CATSPERE: variants seen among roughly 807,000 people sequenced by gnomAD.
CATSPERE encodes cation channel sperm-associated auxiliary subunit epsilon.
A neutral mutation model predicts 114.1 loss-of-function variants in CATSPERE; 93 were observed. The observed-to-expected ratio is 0.81, with a 90% CI of 0.69 to 0.97. The LOEUF (loss-of-function observed/expected upper bound fraction) is 0.97. Ranked by LOEUF, CATSPERE falls within the 50% of genes least tolerant of loss-of-function variation. CATSPERE has a pLI of 0.00. For missense variants in CATSPERE, 1,058 were observed against 1,131.6 expected (o/e 0.93, Z 0.93); for synonymous variants, 341 against 384.1 (o/e 0.89, Z 1.31).
At chr1:244,596,454 T>C (rs1285455799) in intron 17 of CATSPERE, among the ~76,000 whole-genome samples, 1 of 152,168 alleles carries the variant, frequency 6.6e-6, no homozygotes, top group Non-Finnish European at 1.5e-5. Flanking sequence ...AATTCTTTCC[T>C]GAGTGAAGCC....
intron 7 of CATSPERE, among the ~76,000 whole-genome samples, chr1:244,515,712 A>C (rs886585859): frequency 3.3e-5 from 5 of 152,228 alleles, no homozygotes; most frequent in African/African-American, 9.6e-5. Flanking sequence ...CAATGTATCA[A>C]ATGCTGCTAA....
chr1:244,488,512 C>A (rs1671434745), intron 5 of CATSPERE, among the ~76,000 whole-genome samples: 1 of 152,188 alleles, frequency 6.6e-6, no homozygotes, highest in Non-Finnish European at 1.5e-5. Context: ...CTGATAAAGA[C>A]CCAGAAGAAT....
chr1:244,541,161 G>C (rs1161518343), intron 8 of CATSPERE, among the ~76,000 whole-genome samples: 8 of 148,704 alleles, frequency 5.4e-5, no homozygotes, highest in Admixed American at 2.0e-4. Context: ...CAAATGGGAT[G>C]TAATTAAACT....
rs896910384 is a variant in CATSPERE at position 244,518,714 on chromosome 1, T to A, written c.536+16T>A. 4.8e-6 allele frequency: 6 copies of A among 1,261,786 alleles called. No individual in the cohort carries two copies. Among genetic ancestry groups the A allele is most frequent in the African/African-American group, 4.6e-5 (3 of 64,766 alleles). 78.2% of individuals were successfully genotyped at this position (1,261,786 alleles called of 1,614,324 possible). ...TGAGAAGGGGGTATTTAATTTTTTT[T>A]AATTTTAAATATAGAAATATGAAAA... On this transcript the variant is annotated intron_variant, in intron 8 of 21. Transcript: ENST00000366534.
At chr1:244,475,537 A>AT (rs35023936) in intron 2 of CATSPERE, among the ~76,000 whole-genome samples, 44,990 of 117,096 alleles carry the variant, frequency 0.38, 8,816 homozygotes, top group East Asian at 0.72. Context: ...CCTGGCCACA[A>AT]TTTTTTTTTT....
At chr1:244,580,639 G>A (rs1258843390) in intron 11 of CATSPERE, among the ~76,000 whole-genome samples, 1 of 152,126 alleles carries the variant, frequency 6.6e-6, no homozygotes, top group Non-Finnish European at 1.5e-5. Flanking sequence ...AAGCCCTCCT[G>A]TGTTTTCCCT....
intron 20 of CATSPERE, among the ~76,000 whole-genome samples, chr1:244,627,410 C>G (rs1337976931): frequency 5.3e-5 from 8 of 151,994 alleles, no homozygotes; most frequent in Non-Finnish European, 1.0e-4. Context: ...ATCACTACAA[C>G]AATTTTTTAA....
Position 244,573,952 on chromosome 1 carries a change from G to A in CATSPERE, c.1950+1180G>A, listed in dbSNP as rs1247008371. Among the ~76,000 whole-genome samples the A allele has an allele frequency of 2.6e-5, 4 of 152,116 alleles. No homozygotes were observed. In the South Asian group the frequency reaches 8.3e-4, roughly 32 times the overall value. On this transcript the variant is annotated intron_variant, in intron 11 of 21. Coordinates refer to ENST00000366534, the MANE Select transcript of CATSPERE (RefSeq NM_001130957.2). The surrounding 1 kb of genome is among the most constrained non-coding windows in gnomAD (Gnocchi z 4.0). ...TTAGACAAAAAATTTTCTTAGCAAGGCAGTTTTAGTTTCTGCAGAAAGGGT... is the reference window on the plus strand; with the variant it reads ...TTAGACAAAAAATTTTCTTAGCAAGACAGTTTTAGTTTCTGCAGAAAGGGT...
At chr1:244,494,100 G>C (rs61844029) in intron 6 of CATSPERE, among the ~76,000 whole-genome samples, 22,533 of 151,920 alleles carry the variant, frequency 0.15, 1,772 homozygotes, top group South Asian at 0.19. Flanking sequence ...TCCCATTACT[G>C]GGTATATACC....
Position 244,621,138 on chromosome 1 carries a change from A to T in CATSPERE, c.2648+3452A>T, listed in dbSNP as rs1248196886. Among the ~76,000 whole-genome samples the T allele has an allele frequency of 3.8e-4, 40 of 103,910 alleles. 3 individuals carry two copies. Among genetic ancestry groups the T allele is most frequent in the African/African-American group, 7.5e-4 (19 of 25,328 alleles). 68.2% of individuals were successfully genotyped at this position (103,910 alleles called of 152,430 possible). A position where few individuals can be genotyped will look rare whatever the true frequency, so the allele number is the denominator to read the frequency against. ...TATAATATATATATAAATATATATA[A>T]AATATATATATTATAAAATATATAT... On this transcript the variant is annotated intron_variant, in intron 20 of 21. Transcript: ENST00000366534.
chr1:244,472,559 GC>G (rs1277277182), intron 2 of CATSPERE, among the ~76,000 whole-genome samples: 1 of 152,084 alleles, frequency 6.6e-6, no homozygotes, highest in African/African-American at 2.4e-5. Flanking sequence ...TCCCCAGTTT[GC>G]CCTATTACTG....
Position 244,605,703 on chromosome 1 carries a change from A to G in CATSPERE, c.2312A>G (p.Asp771Gly), listed in dbSNP as rs1246044390. 6.2e-7 allele frequency: 1 copy of G among 1,606,092 alleles called. No homozygotes were observed. Among genetic ancestry groups the G allele is most frequent in the African/African-American group, 1.3e-5 (1 of 74,898 alleles). The stretch of plus-strand genomic sequence containing the variant: ...TTTGTTGTTTCTTTCAGATTTGATG[A>G]TAATGGCTATGTTAAAGACGTTGAA... Reference protein sequence around the residue: ...KFQPVVQLFDDNGYVKDVEAN... With the variant: ...KFQPVVQLFDGNGYVKDVEAN... The change falls in exon 18 of 22, where the codon GAT becomes GGT. Residue 771 changes from aspartate (D) to glycine (G), a missense_variant. Around this residue, in one of 2 missense-constraint regions of CATSPERE, gnomAD observed 787 missense variants for 905.6 expected, o/e 0.87. Coordinates refer to ENST00000366534, the MANE Select transcript of CATSPERE (RefSeq NM_001130957.2).
rs1288343443 is a variant in CATSPERE at position 244,593,479 on chromosome 1, A to G, written c.2224-20A>G. ...ATGGACCAAATATATAAAATCACTA[A>G]AGTAGTTTTCCTTTTCTAGAGAGTA... is the stretch of plus-strand genomic sequence containing the variant. On this transcript the variant is annotated intron_variant, in intron 16 of 21. Transcript: ENST00000366534. 6.2e-7 allele frequency: 1 copy of G among 1,613,264 alleles called. No homozygotes were observed. The highest frequency in any genetic ancestry group is 1.1e-5 in the South Asian group (1 of 90,968).
At chr1:244,565,868 C>T (rs1663386721) in intron 10 of CATSPERE, among the ~76,000 whole-genome samples, 1 of 151,152 alleles carries the variant, frequency 6.6e-6, no homozygotes, top group Non-Finnish European at 1.5e-5. Flanking sequence ...TATTTCTTGT[C>T]TTCTGCTAGC....
At chr1:244,598,579 A>G in intron 17 of CATSPERE, 1 of 340,802 alleles carries the variant, frequency 2.9e-6, no homozygotes, top group South Asian at 2.5e-5. Context: ...TTGCACCCAC[A>G]GAGACCATGG....
Position 244,572,312 on chromosome 1 carries a change from CTT to C in CATSPERE, c.1508-15_1508-14del, listed in dbSNP as rs564959009. On this transcript the variant is annotated splice_polypyrimidine_tract_variant and intron_variant, in intron 10 of 21. Transcript: ENST00000366534. The stretch of plus-strand genomic sequence containing the variant: ...TTATGGTTACTTAGACTAACACAAA[CTT>C]TTCTCTTTTTTCCAGATTATTATGG... 1.7e-3 allele frequency: 2,179 copies of C among 1,256,868 alleles called. 6 individuals are homozygous for C. Among genetic ancestry groups the C allele is most frequent in the Non-Finnish European group, 2.1e-3 (1,935 of 903,168 alleles). The allele number at this position is 1,256,868 out of a possible 1,614,324, so 77.9% of individuals were successfully genotyped here. A position where few individuals can be genotyped will look rare whatever the true frequency, so the allele number is the denominator to read the frequency against.
At chr1:244,579,561 C>A (rs1665858804) in intron 11 of CATSPERE, among the ~76,000 whole-genome samples, 1 of 151,928 alleles carries the variant, frequency 6.6e-6, no homozygotes, top group African/African-American at 2.4e-5. Flanking sequence ...AAAAAAAATC[C>A]CATATATAAG....
intron 5 of CATSPERE, among the ~76,000 whole-genome samples, chr1:244,489,061 A>C (rs1350495638): frequency 6.6e-6 from 1 of 152,224 alleles, no homozygotes; most frequent in South Asian, 2.1e-4. Flanking sequence ...TATGCAGGTA[A>C]CTTTACAGTG....
At chr1:244,463,492 A>G (rs912701822) in intron 1 of CATSPERE, among the ~76,000 whole-genome samples, 1 of 152,104 alleles carries the variant, frequency 6.6e-6, no homozygotes, top group Non-Finnish European at 1.5e-5. Flanking sequence ...GTAAGCCAAG[A>G]TCACTGCACT....
Sources: allele counts gnomAD v4.1 joint callset (sites outside exome capture counted in the v4.1 genomes callset), GRCh38; gene constraint gnomAD v4.1.1; regional missense constraint gnomAD v4.1.1; non-coding constraint Gnocchi (gnomAD v3.1); transcripts MANE v1.5; gene names NCBI Gene and HGNC (gene_info 2026-07-23, HGNC 2026-07-21).